Variants in CDH12 observed in about 807,000 individuals in gnomAD.
The protein encoded by CDH12 is cadherin-12.
In CDH12, 41 loss-of-function variants were observed where a neutral mutation model predicts 74.1. The observed-to-expected ratio is 0.55, with a 90% CI of 0.43 to 0.72. CDH12 has a LOEUF of 0.72. CDH12 is among the 30% of genes least tolerant of loss of function. CDH12 has a pLI of 0.00. For missense variants in CDH12, 945 were observed against 977.2 expected (o/e 0.97, Z 0.44); for synonymous variants, 399 against 355.0 (o/e 1.12, Z -1.39).
At chr5:21,756,571 T>A (rs937507194) in intron 13 of CDH12, among the ~76,000 whole-genome samples, 7 of 152,190 alleles carry the variant, frequency 4.6e-5, no homozygotes, top group Admixed American at 2.0e-4. Context: ...CAATTAATAC[T>A]TCTATTGAAA....
chr5:21,807,246 C>A (rs1177079786), intron 9 of CDH12, among the ~76,000 whole-genome samples: 3 of 152,098 alleles, frequency 2.0e-5, no homozygotes, highest in Non-Finnish European at 4.4e-5. Context: ...TGATGACATC[C>A]CCAACGAATC....
At chr5:21,876,875 T>G (rs1466228652) in intron 6 of CDH12, among the ~76,000 whole-genome samples, 1 of 152,226 alleles carries the variant, frequency 6.6e-6, no homozygotes, top group South Asian at 2.1e-4. Context: ...TATTATGCCC[T>G]TTATACATGC....
At chr5:21,900,685 A>G (rs1017129747) in intron 6 of CDH12, among the ~76,000 whole-genome samples, 6 of 152,194 alleles carry the variant, frequency 3.9e-5, no homozygotes, top group Non-Finnish European at 2.9e-5. Context: ...ACATATTTCA[A>G]TAACAAGTTT....
intron 4 of CDH12, among the ~76,000 whole-genome samples, chr5:22,106,480 T>TA (rs1744450772): frequency 6.6e-6 from 1 of 152,208 alleles, no homozygotes; most frequent in Non-Finnish European, 1.5e-5. Flanking sequence ...GTAATAATGT[T>TA]ATATAATATA....
intron 6 of CDH12, among the ~76,000 whole-genome samples, chr5:21,865,682 G>A (rs904657752): frequency 6.6e-6 from 1 of 152,066 alleles, no homozygotes; most frequent in African/African-American, 2.4e-5. Flanking sequence ...TTGGCTGTAG[G>A]GTGTTTATTC....
At position 22,625,458 on chromosome 5, in the gene CDH12, G is replaced by A. The variant is rs189315671; in HGVS notation, c.-522-120094C>T. Among the ~76,000 whole-genome samples the A allele has an allele frequency of 3.9e-4, 59 of 152,318 alleles. No individual in the cohort carries two copies. In the East Asian group the frequency reaches 0.011, roughly 29 times the overall value. On this transcript the variant is annotated intron_variant, in intron 1 of 14. Transcript: ENST00000382254. ...ATGGACACTTAAGCTAGCAGGAAGAGTTGGTTGGGAAGGTGGCAGGGGAAG... is the reference window on the plus strand; with the variant it reads ...ATGGACACTTAAGCTAGCAGGAAGAATTGGTTGGGAAGGTGGCAGGGGAAG...
intron 3 of CDH12, among the ~76,000 whole-genome samples, chr5:22,220,022 G>T (rs1179530092): frequency 1.3e-5 from 2 of 151,638 alleles, no homozygotes; most frequent in African/African-American, 2.4e-5. Flanking sequence ...ATTGGATGCA[G>T]GCTTAATGTA....
intron 1 of CDH12, among the ~76,000 whole-genome samples, chr5:22,754,112 A>G (rs1010282624): frequency 6.6e-6 from 1 of 152,214 alleles, no homozygotes; most frequent in Admixed American, 6.5e-5. Context: ...AATGACCAAA[A>G]TAACCTGGCA....
At chr5:22,199,530 C>CT (rs1261311835) in intron 4 of CDH12, among the ~76,000 whole-genome samples, 2 of 152,190 alleles carry the variant, frequency 1.3e-5, no homozygotes, top group African/African-American at 2.4e-5. Flanking sequence ...TTCCCCGCTG[C>CT]TTACCTCTGG....
chr5:22,076,083 T>A (rs2150222785), intron 5 of CDH12, among the ~76,000 whole-genome samples: 1 of 152,226 alleles, frequency 6.6e-6, no homozygotes, highest in South Asian at 2.1e-4. Flanking sequence ...ATCCACTCTT[T>A]CATCTGCATT....
chr5:21,933,368 A>C (rs1754931186), intron 6 of CDH12, among the ~76,000 whole-genome samples: 1 of 152,196 alleles, frequency 6.6e-6, no homozygotes, highest in South Asian at 2.1e-4. Flanking sequence ...CCTCAAATAC[A>C]GTGTTCTAAG....
At chr5:22,247,577 A>G (rs1350025662) in intron 3 of CDH12, among the ~76,000 whole-genome samples, 2 of 152,136 alleles carry the variant, frequency 1.3e-5, no homozygotes, top group Non-Finnish European at 2.9e-5. Context: ...GGAGAGGCTG[A>G]GGCAGGAGAA....
chr5:22,073,983 T>C (rs1420840501), intron 5 of CDH12, among the ~76,000 whole-genome samples: 1 of 152,158 alleles, frequency 6.6e-6, no homozygotes, highest in Non-Finnish European at 1.5e-5. Context: ...GATAGTACAG[T>C]TGATCTTAGA....
chr5:22,545,787 G>A (rs1027693250), intron 1 of CDH12, among the ~76,000 whole-genome samples: 9 of 152,022 alleles, frequency 5.9e-5, no homozygotes, highest in African/African-American at 2.2e-4. Context: ...TTGAATTAAT[G>A]TATAACTGCT....
chr5:22,778,495 A>AG (rs1364713524), intron 1 of CDH12, among the ~76,000 whole-genome samples: 2 of 152,158 alleles, frequency 1.3e-5, no homozygotes, highest in African/African-American at 4.8e-5. Flanking sequence ...CTCTATGAAA[A>AG]GGGGCTCAGC....
intron 2 of CDH12, among the ~76,000 whole-genome samples, chr5:22,480,917 G>A (rs1201104367): frequency 6.6e-6 from 1 of 152,036 alleles, no homozygotes; most frequent in Non-Finnish European, 1.5e-5. Context: ...AAAAAGAAAT[G>A]CAAATATTTT....
rs77427910 is a variant in CDH12, at chr5:22,331,060, T to G, written c.-333+74197A>C. Reference sequence around the variant, plus strand: ...GTTGGTGGTGGCCACAAGGAGAGGCTCCTCTGCCTGTGGAAAGGGGAAAAA... The same window carrying G: ...GTTGGTGGTGGCCACAAGGAGAGGCGCCTCTGCCTGTGGAAAGGGGAAAAA... On this transcript the variant is annotated intron_variant, in intron 3 of 14. Coordinates refer to ENST00000382254, the MANE Select transcript of CDH12 (RefSeq NM_004061.5). Among the ~76,000 whole-genome samples, 65 of 152,180 alleles carry G rather than the reference T, an allele frequency of 4.3e-4. 2 individuals are homozygous for G. In the East Asian group the frequency reaches 0.011, roughly 25 times the overall value.
chr5:22,527,991 C>T lies in CDH12; in HGVS notation c.-522-22627G>A, dbSNP rs141851684. On this transcript the variant is annotated intron_variant, in intron 1 of 14. Transcript: ENST00000382254. ...TCCACACTCTTAATATCCATTTCCA[C>T]ATGTTTCCTGGATTTCTGTCTGTAT... is the stretch of plus-strand genomic sequence containing the variant. 1.7e-4 allele frequency among the ~76,000 whole-genome samples: 26 copies of T among 152,244 alleles called. No individual in the cohort carries two copies. In the East Asian group the frequency reaches 4.6e-3, roughly 27 times the overall value.
intron 6 of CDH12, among the ~76,000 whole-genome samples, chr5:21,898,538 T>C (rs1262072612): frequency 2.0e-5 from 3 of 151,750 alleles, no homozygotes; most frequent in South Asian, 2.1e-4. Flanking sequence ...CCGTCTCTAC[T>C]AAAAATACAA....
Sources: allele counts gnomAD v4.1 joint callset (sites outside exome capture counted in the v4.1 genomes callset), GRCh38; gene constraint gnomAD v4.1.1; transcripts MANE v1.5; gene names NCBI Gene and HGNC (gene_info 2026-07-23, HGNC 2026-07-21).